The following PRDM2 variants were observed in gnomAD, a reference collection of about 807,000 sequenced individuals.
PRDM2 encodes the protein PR domain zinc finger protein 2.
A neutral mutation model predicts 130.0 loss-of-function variants in PRDM2; 30 were observed. The ratio of observed to expected loss-of-function variants is 0.23; its 90% CI spans 0.17 to 0.31. PRDM2 has a LOEUF of 0.31. Ranked by LOEUF, PRDM2 falls within the 10% of genes least tolerant of loss-of-function variation. The pLI is 1.00. For synonymous variants in PRDM2, 871 were observed against 782.4 expected, an observed-to-expected ratio of 1.11 and a Z score of -1.89; for missense variants, 2,011 against 2,108.4, an observed-to-expected ratio of 0.95 and a Z score of 0.90.
chr1:13,739,982 C>T (rs1213407116), intron 4 of PRDM2, among the ~76,000 whole-genome samples: 4 of 152,070 alleles, frequency 2.6e-5, no homozygotes, highest in African/African-American at 7.2e-5. Context: ...TACGTGTATT[C>T]GTTTGTGAAT....
chr1:13,807,736 TGTTCTATTTCTAGACATGTTCTATTAGAC>T (rs1056240054), intron 8 of PRDM2, among the ~76,000 whole-genome samples: 2 of 152,222 alleles, frequency 1.3e-5, no homozygotes, highest in Admixed American at 6.5e-5. Flanking sequence ...ACAGAGCAGA[TGTTCTATTTCTAGACATGTTCTATTAGAC>T]GTTCTATTGT....
chr1:13,740,750 A>G (rs945639264), intron 4 of PRDM2, among the ~76,000 whole-genome samples: 9 of 152,210 alleles, frequency 5.9e-5, no homozygotes, highest in African/African-American at 1.9e-4. Context: ...ATGTAGCATT[A>G]TGCCTGATGT....
At position 13,773,131 on chromosome 1, in the gene PRDM2, C is replaced by T; in HGVS notation, c.565C>T (p.Gln189Ter). The stretch of plus-strand genomic sequence containing the variant: ...CAAAGGAAACAAAATCCAAGACATA[C>T]AACTGAAGACAAGTGAGCCAGATTT... ...KNKGNKIQDI[Q>*]LKTSEPDFTS... The change falls in exon 7 of 10, where the codon CAA becomes TAA. Residue 189 changes from glutamine (Q) to a stop codon, truncating the protein, a stop_gained. Transcript: ENST00000311066. LOFTEE classifies it high-confidence loss of function. 1 of 1,577,690 alleles carries T rather than the reference C, an allele frequency of 6.3e-7. No homozygotes were observed. Among genetic ancestry groups the T allele is most frequent in the East Asian group, 2.3e-5 (1 of 43,762 alleles).
At position 13,823,226 on chromosome 1, in the gene PRDM2, C is replaced by A. The variant is rs776728325; in HGVS notation, c.*91C>A. ...AGTCTGCCCTGCAGGGAGTACCGACCTATCCCAGTTGTGTGAGGCTGCGAG... is the reference window on the plus strand; with the variant it reads ...AGTCTGCCCTGCAGGGAGTACCGACATATCCCAGTTGTGTGAGGCTGCGAG... On this transcript the variant is annotated 3_prime_UTR_variant, in exon 10 of 10. Coordinates refer to ENST00000311066, the MANE Select transcript of PRDM2 (RefSeq NM_001393986.1). The A allele has an allele frequency of 1.2e-6, 2 of 1,604,612 alleles. No homozygotes were observed. Among genetic ancestry groups the A allele is most frequent in the Admixed American group, 3.3e-5 (2 of 59,806 alleles).
At chr1:13,784,432 C>G (rs1235448130) in intron 8 of PRDM2, among the ~76,000 whole-genome samples, 1 of 152,212 alleles carries the variant, frequency 6.6e-6, no homozygotes, top group East Asian at 1.9e-4. Flanking sequence ...AATGTACTGT[C>G]TATCCCTTTT....
intron 1 of PRDM2, among the ~76,000 whole-genome samples, chr1:13,712,530 A>T (rs1642402872): frequency 6.6e-6 from 1 of 152,108 alleles, no homozygotes; most frequent in African/African-American, 2.4e-5. Context: ...AAGATCTAAA[A>T]CTGCAGCACA....
At chr1:13,794,173 G>A (rs1644885752) in intron 8 of PRDM2, among the ~76,000 whole-genome samples, 1 of 152,198 alleles carries the variant, frequency 6.6e-6, no homozygotes, top group Non-Finnish European at 1.5e-5. Flanking sequence ...ATGACAGGCA[G>A]CGGAATGTAG....
At position 13,769,847 on chromosome 1, in the gene PRDM2, A is replaced by T. The variant is rs571431453; in HGVS notation, c.512-3231A>T. Among the ~76,000 whole-genome samples the T allele has an allele frequency of 1.2e-4, 19 of 152,310 alleles. No homozygotes were observed. The East Asian group carries it at 3.5e-3, about 28-fold the overall frequency. On this transcript the variant is annotated intron_variant, in intron 6 of 9. Coordinates refer to ENST00000311066, the MANE Select transcript of PRDM2 (RefSeq NM_001393986.1). ...GTGTGATCCAGAAATGCATTGATCTAGTCCAGTGGTTCTTAACCTGGGGAA... is the reference window on the plus strand; with the variant it reads ...GTGTGATCCAGAAATGCATTGATCTTGTCCAGTGGTTCTTAACCTGGGGAA...
intron 8 of PRDM2, among the ~76,000 whole-genome samples, chr1:13,804,867 A>C (rs1379844805): frequency 6.6e-6 from 1 of 152,160 alleles, no homozygotes; most frequent in Non-Finnish European, 1.5e-5. Flanking sequence ...TTGAGTGGTC[A>C]ATGCAGCTGC....
intron 8 of PRDM2, among the ~76,000 whole-genome samples, chr1:13,797,850 A>G (rs886080375): frequency 6.6e-6 from 1 of 152,164 alleles, no homozygotes; most frequent in African/African-American, 2.4e-5. Context: ...GAGGGCTTTT[A>G]AAGTATTATT....
intron 8 of PRDM2, among the ~76,000 whole-genome samples, chr1:13,795,262 A>G (rs963323959): frequency 4.6e-5 from 7 of 152,230 alleles, no homozygotes; most frequent in African/African-American, 1.7e-4. Flanking sequence ...CACGATGTAA[A>G]TAAAGGGCTT....
chr1:13,802,288 C>T (rs979332722), intron 8 of PRDM2, among the ~76,000 whole-genome samples: 2 of 152,218 alleles, frequency 1.3e-5, no homozygotes, highest in African/African-American at 2.4e-5. Flanking sequence ...GACGCCCTGT[C>T]AGCCAGGCAC....
chr1:13,807,734 G>A (rs935737645), intron 8 of PRDM2, among the ~76,000 whole-genome samples: 10 of 152,222 alleles, frequency 6.6e-5, no homozygotes, highest in African/African-American at 2.4e-4. Flanking sequence ...GAACAGAGCA[G>A]ATGTTCTATT....
intron 8 of PRDM2, among the ~76,000 whole-genome samples, chr1:13,810,994 G>GA (rs1645164112): frequency 1.3e-5 from 2 of 149,960 alleles, no homozygotes; most frequent in Non-Finnish European, 3.0e-5. Flanking sequence ...GACCAGCCTG[G>GA]CCAACATGGT....
At chr1:13,735,761 G>GT (rs1405494649) in intron 4 of PRDM2, among the ~76,000 whole-genome samples, 2 of 152,098 alleles carry the variant, frequency 1.3e-5, no homozygotes, top group Non-Finnish European at 2.9e-5. Flanking sequence ...AGCGGTCACT[G>GT]TTTCTGTTAT....
intron 1 of PRDM2, among the ~76,000 whole-genome samples, chr1:13,703,782 G>A (rs1642132652): frequency 1.3e-5 from 2 of 152,238 alleles, no homozygotes; most frequent in African/African-American, 4.8e-5. Context: ...TTCTAGAAAA[G>A]CAACTTGGTC....
chr1:13,757,207 T>C lies in PRDM2; in HGVS notation c.511+7720T>C, dbSNP rs138300380. 4.7e-4 allele frequency among the ~76,000 whole-genome samples: 72 copies of C among 152,364 alleles called. 1 individual carries two copies. Among genetic ancestry groups the C allele is most frequent in the African/African-American group, 1.5e-3 (63 of 41,582 alleles). On this transcript the variant is annotated intron_variant, in intron 6 of 9. Transcript: ENST00000311066. ...ATTTATGGATTGCATAGGTATATTG[T>C]ATTCCTTCAAACACCCCAAATAGTT...
At chr1:13,747,636 G>A (rs2100527280) in intron 5 of PRDM2, among the ~76,000 whole-genome samples, 1 of 152,138 alleles carries the variant, frequency 6.6e-6, no homozygotes, top group Admixed American at 6.5e-5. Flanking sequence ...AATTTGGACT[G>A]TGTAGACAGT....
At chr1:13,725,902 C>A (rs150725731) in intron 2 of PRDM2, among the ~76,000 whole-genome samples, 2 of 152,322 alleles carry the variant, frequency 1.3e-5, no homozygotes, top group East Asian at 3.9e-4. Flanking sequence ...TGGATTTTAT[C>A]TTGGCTCCAC....
Sources: allele counts gnomAD v4.1 joint callset (sites outside exome capture counted in the v4.1 genomes callset), GRCh38; gene constraint gnomAD v4.1.1; transcripts MANE v1.5; gene names NCBI Gene and HGNC (gene_info 2026-07-23, HGNC 2026-07-21).